The following AP3B1 variants were observed in gnomAD, a reference collection of about 807,000 sequenced individuals.
AP3B1 encodes adaptor related protein complex 3 subunit beta 1.
AP3B1 carries 61 observed loss-of-function variants against 132.5 expected under a neutral mutation model. That is an observed-to-expected ratio of 0.46 (90% CI 0.37 to 0.57). The LOEUF is 0.57. Ranked by LOEUF, AP3B1 falls within the 20% of genes least tolerant of loss-of-function variation. The pLI, the probability that AP3B1 is intolerant of heterozygous loss-of-function variation, is 0.00. For missense variants in AP3B1, 1,120 were observed against 1,289.4 expected (o/e 0.87, Z 2.01); for synonymous variants, 388 against 438.3 (o/e 0.89, Z 1.43).
At chr5:78,167,286 G>C (rs1283397489) in intron 11 of AP3B1, among the ~76,000 whole-genome samples, 1 of 152,100 alleles carries the variant, frequency 6.6e-6, no homozygotes, top group East Asian at 1.9e-4. Context: ...AAACCACAGT[G>C]TGAAACCACC....
chr5:78,221,361 TGA>T (rs1450176828), intron 6 of AP3B1, among the ~76,000 whole-genome samples: 2 of 151,624 alleles, frequency 1.3e-5, no homozygotes, highest in African/African-American at 4.8e-5. Flanking sequence ...GAAATATAAA[TGA>T]TGAAGCAAAA....
intron 8 of AP3B1, among the ~76,000 whole-genome samples, chr5:78,178,939 T>A (rs1402591670): frequency 6.6e-6 from 1 of 152,182 alleles, no homozygotes; most frequent in Non-Finnish European, 1.5e-5. Context: ...AAATACAGTA[T>A]ACAGGGTCCT....
intron 26 of AP3B1, among the ~76,000 whole-genome samples, chr5:78,009,698 A>C (rs1482309321): frequency 6.9e-6 from 1 of 145,328 alleles, no homozygotes; most frequent in Non-Finnish European, 1.5e-5. Flanking sequence ...ATTATCCACA[A>C]GTTGCATATG....
Position 78,177,319 on chromosome 5 carries a change from T to C in AP3B1, c.1040+20A>G, listed in dbSNP as rs369301345. The C allele has an allele frequency of 2.3e-5, 35 of 1,523,436 alleles. No homozygotes were observed. Among genetic ancestry groups the C allele is most frequent in the Non-Finnish European group, 2.7e-5 (30 of 1,100,608 alleles). The allele number at this position is 1,523,436 out of a possible 1,614,324, so 94.4% of individuals were successfully genotyped here. On this transcript the variant is annotated intron_variant, in intron 9 of 26. Coordinates refer to ENST00000255194, the MANE Select transcript of AP3B1 (RefSeq NM_003664.5). ...TTGAAGGAATACAAAAGAAAAAATA[T>C]ATATAAAATCATGACCTACCTATTG...
intron 24 of AP3B1, among the ~76,000 whole-genome samples, chr5:78,022,278 G>T (rs1393764428): frequency 1.3e-5 from 2 of 152,152 alleles, no homozygotes. Context: ...CACAAGTCTA[G>T]CGGGAGGGAA....
At chr5:78,096,032 C>T (rs1329406475) in intron 21 of AP3B1, among the ~76,000 whole-genome samples, 2 of 152,186 alleles carry the variant, frequency 1.3e-5, no homozygotes, top group African/African-American at 4.8e-5. Flanking sequence ...TTCCCTCTCC[C>T]TCTCCCCACG....
At chr5:78,204,897 T>G (rs780622362) in intron 7 of AP3B1, among the ~76,000 whole-genome samples, 4 of 152,166 alleles carry the variant, frequency 2.6e-5, no homozygotes, top group Non-Finnish European at 4.4e-5. Flanking sequence ...CTTTGACTAT[T>G]TTCTGAATTC....
chr5:78,034,164 G>T (rs1053360690), intron 24 of AP3B1, among the ~76,000 whole-genome samples, 197 bp downstream of exon 24: 2 of 151,948 alleles, frequency 1.3e-5, no homozygotes, highest in African/African-American at 4.8e-5. Flanking sequence ...ATGGCTAGGT[G>T]TGTAACGAAT....
At chr5:78,048,486 C>T (rs1378551079) in intron 22 of AP3B1, among the ~76,000 whole-genome samples, 5 of 152,138 alleles carry the variant, frequency 3.3e-5, no homozygotes, top group Admixed American at 2.6e-4. Context: ...CAGGGATGGA[C>T]ATTTGGCCCA....
At chr5:78,208,510 A>G (rs1745604518) in intron 7 of AP3B1, among the ~76,000 whole-genome samples, 1 of 152,190 alleles carries the variant, frequency 6.6e-6, no homozygotes, top group Admixed American at 6.5e-5. Context: ...TAAAATATAC[A>G]TATGTCAAAT....
At chr5:78,053,628 C>T (rs556146016) in intron 22 of AP3B1, among the ~76,000 whole-genome samples, 163 of 142,898 alleles carry the variant, frequency 1.1e-3, no homozygotes, top group African/African-American at 3.8e-3. Context: ...TACAGTGAGC[C>T]GAGATTGCAC....
At chr5:78,161,886 ATAAT>A (rs1743401502) in intron 13 of AP3B1, among the ~76,000 whole-genome samples, 2 of 152,026 alleles carry the variant, frequency 1.3e-5, no homozygotes, top group Admixed American at 6.6e-5. Flanking sequence ...GTGGGAAAAA[ATAAT>A]TAGAGATTAT....
intron 22 of AP3B1, chr5:78,043,714 A>T (rs114151141): frequency 5.4e-4 from 228 of 420,628 alleles, no homozygotes; most frequent in African/African-American, 4.5e-3. Flanking sequence ...GTGCTTTGTG[A>T]TCACAACTAC....
chr5:78,236,990 T>C lies in AP3B1; in HGVS notation c.279+3872A>G, dbSNP rs148183224. 3.3e-3 allele frequency among the ~76,000 whole-genome samples: 501 copies of C among 152,328 alleles called. 5 individuals carry two copies. Among genetic ancestry groups the C allele is most frequent in the African/African-American group, 0.011 (478 of 41,576 alleles). Reference sequence around the variant, plus strand: ...TCTACTAAATTAATCATAAGTAAAATTGATTTTACTCAAGAAATCTACAAA... The same window carrying C: ...TCTACTAAATTAATCATAAGTAAAACTGATTTTACTCAAGAAATCTACAAA... On this transcript the variant is annotated intron_variant, in intron 3 of 26. Transcript: ENST00000255194.
chr5:78,071,641 A>G (rs1438838819), intron 22 of AP3B1, among the ~76,000 whole-genome samples: 1 of 152,234 alleles, frequency 6.6e-6, no homozygotes, highest in Non-Finnish European at 1.5e-5. Context: ...TGGGTTCTAT[A>G]CTGATGACTC....
At chr5:78,193,772 T>TA (rs1561469679) in intron 7 of AP3B1, among the ~76,000 whole-genome samples, 2 of 91,210 alleles carry the variant, frequency 2.2e-5, no homozygotes, top group South Asian at 3.6e-4. Context: ...ATATATATAT[T>TA]TTTTTTTTAG....
chr5:78,141,980 G>GT (rs1753168377), intron 14 of AP3B1, among the ~76,000 whole-genome samples: 1 of 152,068 alleles, frequency 6.6e-6, no homozygotes, highest in Non-Finnish European at 1.5e-5. Context: ...GATCAATTAG[G>GT]TACTATGATT....
chr5:78,007,231 G>A (rs762188881), intron 26 of AP3B1, among the ~76,000 whole-genome samples: 60 of 152,180 alleles, frequency 3.9e-4, no homozygotes, highest in Admixed American at 2.6e-3. Context: ...GAGAGGCTGC[G>A]TCAGTCTCCA....
At chr5:78,062,752 T>C (rs1021909035) in intron 22 of AP3B1, among the ~76,000 whole-genome samples, 2 of 152,178 alleles carry the variant, frequency 1.3e-5, no homozygotes, top group African/African-American at 4.8e-5. Flanking sequence ...TTTTGGTGAG[T>C]GGCAGTTCAG....
Sources: gnomAD v4.1 joint callset for allele counts (sites outside exome capture counted in the v4.1 genomes callset) on GRCh38, gnomAD v4.1.1 for gene constraint, MANE v1.5 for transcripts, NCBI Gene and HGNC (gene_info 2026-07-23, HGNC 2026-07-21) for gene names.